Variants in GPC6 observed in about 807,000 individuals in gnomAD.
GPC6 encodes the protein glypican 6, also known as glypican-6.
GPC6 carries 14 observed loss-of-function variants against 55.2 expected under a neutral mutation model. That is an observed-to-expected ratio of 0.25 (90% CI 0.17 to 0.40). GPC6 has a LOEUF of 0.40. GPC6 is among the 10% of genes least tolerant of loss of function. GPC6 has a pLI of 1.00. For missense variants in GPC6, 641 were observed against 708.5 expected (o/e 0.90, Z 1.08); for synonymous variants, 278 against 259.6 (o/e 1.07, Z -0.68).
At chr13:93,332,580 G>T (rs1264898508) in intron 1 of GPC6, among the ~76,000 whole-genome samples, 1 of 151,854 alleles carries the variant, frequency 6.6e-6, no homozygotes, top group Non-Finnish European at 1.5e-5. Context: ...GCTATTGAGT[G>T]GTTTGGATTC....
chr13:93,322,657 G>GACCTGGCC (rs1390039680), intron 1 of GPC6, among the ~76,000 whole-genome samples: 52 of 151,338 alleles, frequency 3.4e-4, no homozygotes, highest in East Asian at 3.9e-4. Flanking sequence ...CCAGGCTGGT[G>GACCTGGCC]TCGAACTCCT....
intron 2 of GPC6, among the ~76,000 whole-genome samples, chr13:93,597,436 A>C (rs1276326669): frequency 2.0e-5 from 3 of 152,212 alleles, no homozygotes; most frequent in Non-Finnish European, 2.9e-5. Flanking sequence ...GAAAGAACTA[A>C]GAAGGTGAGG....
intron 1 of GPC6, among the ~76,000 whole-genome samples, chr13:93,340,902 T>C (rs1880232341): frequency 6.6e-6 from 1 of 152,210 alleles, no homozygotes; most frequent in Non-Finnish European, 1.5e-5. Context: ...TACTATATAC[T>C]GTACCCGATA....
chr13:93,802,434 G>A (rs1231341402), intron 2 of GPC6, among the ~76,000 whole-genome samples: 2 of 151,588 alleles, frequency 1.3e-5, no homozygotes, highest in African/African-American at 2.4e-5. Flanking sequence ...CAGAGTTTCA[G>A]TGTGTCACCC....
At chr13:93,577,685 A>G (rs891401392) in intron 2 of GPC6, among the ~76,000 whole-genome samples, 2 of 151,992 alleles carry the variant, frequency 1.3e-5, no homozygotes, top group Admixed American at 6.6e-5. Flanking sequence ...AACAATTTCA[A>G]TCTGGATGCC....
At chr13:93,819,920 T>C (rs962653785) in intron 2 of GPC6, among the ~76,000 whole-genome samples, 3 of 152,202 alleles carry the variant, frequency 2.0e-5, no homozygotes, top group Non-Finnish European at 4.4e-5. Flanking sequence ...AGTTTAACCT[T>C]GTGAAATGTG....
At chr13:93,902,294 A>T (rs1198014280) in intron 3 of GPC6, among the ~76,000 whole-genome samples, 1 of 152,056 alleles carries the variant, frequency 6.6e-6, no homozygotes, top group Non-Finnish European at 1.5e-5. Context: ...TATGAGTGAG[A>T]TCATGTGACA....
intron 1 of GPC6, among the ~76,000 whole-genome samples, chr13:93,441,174 T>C (rs1006976073): frequency 1.3e-5 from 2 of 152,220 alleles, no homozygotes; most frequent in African/African-American, 2.4e-5. Context: ...TGTGTCTTTA[T>C]AGCAGCATGA....
chr13:93,765,689 A>T (rs1885111363), intron 2 of GPC6, among the ~76,000 whole-genome samples: 1 of 152,174 alleles, frequency 6.6e-6, no homozygotes, highest in Non-Finnish European at 1.5e-5. Context: ...ATAGCACCCT[A>T]AAGCTACAGA....
chr13:93,960,969 C>G (rs1053000884), intron 3 of GPC6, among the ~76,000 whole-genome samples: 9 of 152,022 alleles, frequency 5.9e-5, no homozygotes, highest in African/African-American at 1.9e-4. Context: ...CCCGCCACCA[C>G]GTCCGGCTAA....
intron 1 of GPC6, among the ~76,000 whole-genome samples, chr13:93,399,047 T>TACAC (rs960083642): frequency 1.5e-3 from 148 of 98,452 alleles, no homozygotes; most frequent in Admixed American, 6.0e-3. Context: ...ATCTCTCTCC[T>TACAC]ACACACACAC....
At chr13:93,465,144 A>G (rs1377341662) in intron 1 of GPC6, among the ~76,000 whole-genome samples, 1 of 152,228 alleles carries the variant, frequency 6.6e-6, no homozygotes, top group African/African-American at 2.4e-5. Context: ...ATAGAGCACC[A>G]TCAGAGTACA....
chr13:93,986,792 T>C (rs1177757162), intron 3 of GPC6, among the ~76,000 whole-genome samples: 1 of 152,206 alleles, frequency 6.6e-6, no homozygotes, highest in East Asian at 1.9e-4. Context: ...TACATTCATT[T>C]ACAGTTGTGC....
intron 1 of GPC6, among the ~76,000 whole-genome samples, chr13:93,289,607 A>G (rs763497118): frequency 6.6e-6 from 1 of 152,198 alleles, no homozygotes; most frequent in African/African-American, 2.4e-5. Flanking sequence ...AGACAAAGAT[A>G]TATGTATAGG....
At chr13:93,518,798 A>T (rs1472598924) in intron 1 of GPC6, among the ~76,000 whole-genome samples, 4 of 152,008 alleles carry the variant, frequency 2.6e-5, no homozygotes, top group Non-Finnish European at 5.9e-5. Flanking sequence ...CCCAAGTAGC[A>T]ATATAAATTG....
intron 4 of GPC6, among the ~76,000 whole-genome samples, chr13:94,214,331 C>A (rs1282567033): frequency 6.6e-6 from 1 of 152,162 alleles, no homozygotes; most frequent in East Asian, 1.9e-4. Context: ...ACTGTATTAC[C>A]ATTAATTAGC....
At chr13:93,369,235 G>T (rs572427853) in intron 1 of GPC6, among the ~76,000 whole-genome samples, 1 of 151,950 alleles carries the variant, frequency 6.6e-6, no homozygotes, top group African/African-American at 2.4e-5. Context: ...TTGATGAAAA[G>T]CCAGAGATTG....
chr13:93,715,493 G>A (rs187174551), intron 2 of GPC6, among the ~76,000 whole-genome samples: 8 of 151,500 alleles, frequency 5.3e-5, no homozygotes, highest in East Asian at 2.0e-4. Flanking sequence ...GGGAAGCAAC[G>A]GTGGAAAAGC....
chr13:93,707,988 C>G (rs1202901313), intron 2 of GPC6, among the ~76,000 whole-genome samples: 9 of 151,726 alleles, frequency 5.9e-5, no homozygotes, highest in Non-Finnish European at 1.3e-4. Flanking sequence ...GGCTAATGTC[C>G]AATTCCTATT....
Sources: gnomAD v4.1 joint callset for allele counts (sites outside exome capture counted in the v4.1 genomes callset) on GRCh38, gnomAD v4.1.1 for gene constraint, MANE v1.5 for transcripts, NCBI Gene and HGNC (gene_info 2026-07-23, HGNC 2026-07-21) for gene names.